Variants in ECHDC3 observed in about 807,000 individuals in gnomAD.
The protein encoded by ECHDC3 is enoyl-CoA hydratase domain-containing protein 3, mitochondrial.
Under a neutral mutation model 17.9 loss-of-function variants are expected in ECHDC3, and 20 were observed. That is an observed-to-expected ratio of 1.12 (90% confidence interval 0.79 to 1.63). The LOEUF (loss-of-function observed/expected upper bound fraction) is 1.63. Ranked by LOEUF, ECHDC3 falls within the 40% of genes most tolerant of loss-of-function variation. The pLI is 0.00. For synonymous variants in ECHDC3, 177 were observed against 149.7 expected (o/e 1.18, Z -1.33); for missense variants, 407 against 357.7 (o/e 1.14, Z -1.11).
intron 3 of ECHDC3, among the ~76,000 whole-genome samples, chr10:11,751,324 C>T (rs2133790136): frequency 6.6e-6 from 1 of 152,336 alleles, no homozygotes; most frequent in South Asian, 2.1e-4. Context: ...CCCTTGGAGG[C>T]CTCTGACTCC....
At chr10:11,758,425 C>A (rs112856559) in intron 4 of ECHDC3, among the ~76,000 whole-genome samples, 15 of 152,182 alleles carry the variant, frequency 9.9e-5, no homozygotes, top group Admixed American at 1.3e-4. Context: ...TTTCTTGAGG[C>A]AGGCAGACTC....
chr10:11,743,677 G>C (rs866326151), intron 1 of ECHDC3, among the ~76,000 whole-genome samples: 4 of 152,212 alleles, frequency 2.6e-5, no homozygotes, highest in African/African-American at 2.4e-5. Flanking sequence ...AGTAATGGCC[G>C]CAGGGTTTGG....
chr10:11,761,668 G>T (rs1041210036), intron 4 of ECHDC3, among the ~76,000 whole-genome samples: 1 of 152,230 alleles, frequency 6.6e-6, no homozygotes, highest in East Asian at 1.9e-4. Context: ...GTAGTTGGCG[G>T]CACACTGCAC....
chr10:11,742,900 G>A, intron 1 of ECHDC3, 154 bp downstream of exon 1: 2 of 889,628 alleles, frequency 2.2e-6, no homozygotes, highest in Non-Finnish European at 1.5e-6. Context: ...GCAGCGAGAC[G>A]CGCAGGTGGG....
intron 4 of ECHDC3, among the ~76,000 whole-genome samples, chr10:11,761,302 T>C (rs1832948267): frequency 1.3e-5 from 2 of 152,206 alleles, no homozygotes; most frequent in Non-Finnish European, 2.9e-5. Flanking sequence ...TAGGTACTAC[T>C]GATAACTAGA....
intron 4 of ECHDC3, among the ~76,000 whole-genome samples, chr10:11,761,667 G>A (rs573102177): frequency 4.6e-5 from 7 of 152,322 alleles, no homozygotes; most frequent in Non-Finnish European, 8.8e-5. Flanking sequence ...GGTAGTTGGC[G>A]GCACACTGCA....
chr10:11,743,193 C>A (rs537673951), intron 1 of ECHDC3, among the ~76,000 whole-genome samples: 4 of 152,214 alleles, frequency 2.6e-5, no homozygotes, highest in Non-Finnish European at 4.4e-5. Flanking sequence ...TGTGCTTGTA[C>A]GCCAACTGGA....
intron 3 of ECHDC3, among the ~76,000 whole-genome samples, chr10:11,753,092 A>G (rs1249970499): frequency 6.6e-6 from 1 of 152,146 alleles, no homozygotes; most frequent in Non-Finnish European, 1.5e-5. Context: ...GAATGTATGC[A>G]TTTTTAGGCC....
chr10:11,748,208 G>T (rs1376095605), intron 2 of ECHDC3, among the ~76,000 whole-genome samples: 1 of 146,210 alleles, frequency 6.8e-6, no homozygotes, highest in Non-Finnish European at 1.5e-5. Context: ...CCTGGATACA[G>T]CAAAGGCAGT....
chr10:11,759,382 A>AAAC lies in ECHDC3; in HGVS notation c.591+3775_591+3776insACA, dbSNP rs1554760084. Among the ~76,000 whole-genome samples, 152 of 134,492 alleles carry AAAC rather than the reference A, an allele frequency of 1.1e-3. 6 individuals are homozygous for AAAC. In the East Asian group the frequency reaches 0.019, roughly 16 times the overall value. 88.2% of individuals were successfully genotyped at this position (134,492 alleles called of 152,430 possible). A position where few individuals can be genotyped will look rare whatever the true frequency, so the allele number is the denominator to read the frequency against. The stretch of plus-strand genomic sequence containing the variant: ...AAAAAAAAAAAAAACAAAAAAAAAA[A>AAAC]ACACGCAGTCCCAGAGAGCTGCCTT... On this transcript the variant is annotated intron_variant, in intron 4 of 4. Transcript: ENST00000379215.
At chr10:11,762,135 C>T (rs931537582) in intron 4 of ECHDC3, among the ~76,000 whole-genome samples, 4 of 151,390 alleles carry the variant, frequency 2.6e-5, no homozygotes, top group Non-Finnish European at 4.4e-5. Context: ...TATAAACAAA[C>T]GTGAAATATA....
chr10:11,762,610 T>C (rs1005342355), intron 4 of ECHDC3, among the ~76,000 whole-genome samples: 1 of 152,134 alleles, frequency 6.6e-6, no homozygotes, highest in Non-Finnish European at 1.5e-5. Context: ...GCTCCCCCGC[T>C]CTTCACCAGC....
At chr10:11,760,404 A>G (rs923968965) in intron 4 of ECHDC3, among the ~76,000 whole-genome samples, 2 of 152,214 alleles carry the variant, frequency 1.3e-5, no homozygotes, top group African/African-American at 4.8e-5. Flanking sequence ...CCAGGCTGCA[A>G]GCCCCCCACC....
At position 11,755,560 on chromosome 10, in the gene ECHDC3, C is replaced by T. The variant is rs773154270; in HGVS notation, c.543C>T (p.Leu181=). 95 of 1,613,952 alleles carry T rather than the reference C, an allele frequency of 5.9e-5. No homozygotes were observed. The highest frequency in any genetic ancestry group is 7.1e-5 in the Non-Finnish European group (84 of 1,179,998). ...SFATPGVNVG[L]FCSTPGVALA... Reference sequence around the variant, plus strand: ...CCACTCCTGGGGTGAACGTCGGGCTCTTCTGTTCTACCCCTGGGGTTGCCT... The same window carrying T: ...CCACTCCTGGGGTGAACGTCGGGCTTTTCTGTTCTACCCCTGGGGTTGCCT... Residue 181 remains leucine, a synonymous_variant, in exon 4 of 5, where the codon CTC becomes CTT. Coordinates refer to ENST00000379215, the MANE Select transcript of ECHDC3 (RefSeq NM_024693.5).
chr10:11,760,971 A>G (rs10906010), intron 4 of ECHDC3, among the ~76,000 whole-genome samples: 96,159 of 151,858 alleles, frequency 0.63, 31,656 homozygotes, highest in Non-Finnish European at 0.71. Context: ...GCTTCCTCCA[A>G]CGTAAAATCG....
Position 11,742,410 on chromosome 10 carries a change from G to C in ECHDC3, c.-167G>C, listed in dbSNP as rs1832702998. The C allele has an allele frequency of 1.9e-6, 1 of 530,196 alleles. No homozygotes were observed. Among genetic ancestry groups the C allele is most frequent in the Non-Finnish European group, 2.7e-6 (1 of 369,150 alleles). 32.8% of individuals were successfully genotyped at this position (530,196 alleles called of 1,614,324 possible). ...GTACGGACTGGGCCTGGCCTGGGGC[G>C]TCCCCGCGAAGCCTGGGCCTGTCAG... On this transcript the variant is annotated 5_prime_UTR_variant, in exon 1 of 5. Transcript: ENST00000379215.
rs182688442 is a variant in ECHDC3 at position 11,753,953 on chromosome 10, T to C, written c.391-1455T>C. Reference sequence around the variant, plus strand: ...ACCACACCCAGCTAATTTTTGTACTTTTTTTTTAGTAGAGACAGGGTTTCA... The same window carrying C: ...ACCACACCCAGCTAATTTTTGTACTCTTTTTTTAGTAGAGACAGGGTTTCA... On this transcript the variant is annotated intron_variant, in intron 3 of 4. Transcript: ENST00000379215. 4.1e-3 allele frequency among the ~76,000 whole-genome samples: 622 copies of C among 151,532 alleles called. 5 individuals are homozygous for C. Among genetic ancestry groups the C allele is most frequent in the Non-Finnish European group, 6.7e-3 (456 of 67,834 alleles).
chr10:11,759,382 A>AAAAAAAC (rs1554760084), intron 4 of ECHDC3, among the ~76,000 whole-genome samples: 1 of 134,500 alleles, frequency 7.4e-6, no homozygotes, highest in African/African-American at 2.8e-5. Flanking sequence ...AAAAAAAAAA[A>AAAAAAAC]ACACGCAGTC....
chr10:11,755,167 C>T (rs1450096794), intron 3 of ECHDC3, among the ~76,000 whole-genome samples: 1 of 151,322 alleles, frequency 6.6e-6, no homozygotes, highest in South Asian at 2.1e-4. Context: ...CTAAAAATAC[C>T]AAAAAAAATT....
Sources: gnomAD v4.1 joint callset for allele counts (sites outside exome capture counted in the v4.1 genomes callset) on GRCh38, gnomAD v4.1.1 for gene constraint, MANE v1.5 for transcripts, NCBI Gene and HGNC (gene_info 2026-07-23, HGNC 2026-07-21) for gene names.